Variants in AP2M1 observed in about 807,000 individuals in gnomAD.
The protein encoded by AP2M1 is adaptor related protein complex 2 subunit mu 1, also known as AP-2 complex subunit mu.
AP2M1 carries 5 observed loss-of-function variants against 54.5 expected under a neutral mutation model. The observed-to-expected ratio is 0.09, with a 90% confidence interval of 0.05 to 0.19. AP2M1 has a LOEUF of 0.19. AP2M1 is among the 10% of genes least tolerant of loss of function. The pLI, the probability that AP2M1 is intolerant of heterozygous loss-of-function variation, is 1.00. For missense variants in AP2M1, 178 were observed against 580.2 expected, an observed-to-expected ratio of 0.31 and a Z score of 7.12; for synonymous variants, 186 against 208.2, an observed-to-expected ratio of 0.89 and a Z score of 0.92.
In AP2M1 at chr3:184,180,638, C is replaced by T. The variant is rs778867810; in HGVS notation, c.424-7C>T. On this transcript the variant is annotated splice_polypyrimidine_tract_variant and splice_region_variant and intron_variant, in intron 4 of 11. Transcript: ENST00000292807. This position sits in a 1 kb window ranked among gnomAD's most constrained non-coding sequence, Gnocchi z 4.9. ...TGTGGGCACCTCGTTGGCCCTGCGG[C>T]CTCCAGCATCAGGTAAGCTCTTCCC... 1 of 1,614,004 alleles carries T rather than the reference C, an allele frequency of 6.2e-7. No individual in the cohort carries two copies. The highest frequency in any genetic ancestry group is 8.5e-7 in the Non-Finnish European group (1 of 1,180,060).
Position 184,178,059 on chromosome 3 carries a change from G to A in AP2M1, c.75-798G>A, listed in dbSNP as rs546746413. On this transcript the variant is annotated intron_variant, in intron 2 of 11. Coordinates refer to ENST00000292807, the MANE Select transcript of AP2M1 (RefSeq NM_004068.4). The surrounding 1 kb of genome is among the most constrained non-coding windows in gnomAD (Gnocchi z 4.9). ...GCCTTGGATGGACTGGGCAAGCCAA[G>A]GCCAGGTCACACGCCGCCTTGCCTG... 6.6e-6 allele frequency among the ~76,000 whole-genome samples: 1 copy of A among 151,860 alleles called. No homozygotes were observed. Among genetic ancestry groups the A allele is most frequent in the Admixed American group, 6.5e-5 (1 of 15,274 alleles).
In AP2M1 at chr3:184,183,959, C is replaced by T; in HGVS notation, c.*343C>T. ...GAGTGGGAGGGTTGGTTGCCCCTCA[C>T]CTCAGAGCTCCCCCAAAGGCCAGTA... is the stretch of plus-strand genomic sequence containing the variant. On this transcript the variant is annotated 3_prime_UTR_variant, in exon 12 of 12. Transcript: ENST00000292807. This position sits in a 1 kb window ranked among gnomAD's most constrained non-coding sequence, Gnocchi z 5.7. The T allele has an allele frequency of 7.6e-6, 2 of 263,184 alleles. No homozygotes were observed. Among genetic ancestry groups the T allele is most frequent in the Middle Eastern group, 1.4e-3 (1 of 708 alleles). The allele number at this position is 263,184 out of a possible 1,614,324, so 16.3% of individuals were successfully genotyped here. A position where few individuals can be genotyped will look rare whatever the true frequency, so the allele number is the denominator to read the frequency against.
intron 2 of AP2M1, chr3:184,177,587 C>T: frequency 1.3e-6 from 2 of 1,536,086 alleles, no homozygotes; most frequent in African/African-American, 2.7e-5. Context: ...TCCTCTGGCC[C>T]ATTCCCTGGG....
Position 184,181,956 on chromosome 3 carries a change from C to T in AP2M1, c.872C>T (p.Pro291Leu). The change falls in exon 9 of 12, where the codon CCG becomes CTG. Residue 291 changes from proline (P) to leucine (L), a missense_variant. By Grantham distance (98) the Pro-to-Leu change is moderately conservative. Around this residue, in one of 5 missense-constraint regions of AP2M1, gnomAD observed 59 missense variants for 176.8 expected, o/e 0.33. Coordinates refer to ENST00000292807, the MANE Select transcript of AP2M1 (RefSeq NM_004068.4). This position sits in a 1 kb window ranked among gnomAD's most constrained non-coding sequence, Gnocchi z 5.7. ...KDIILPFRVI[P>L]LVREVGRTKL... is the part of the protein sequence containing the mutation. ...ATCATCCTTCCCTTCCGGGTGATCC[C>T]GCTAGTGCGAGAAGTGGGACGCACC... 6.2e-7 allele frequency: 1 copy of T among 1,614,126 alleles called. No homozygotes were observed. The highest frequency in any genetic ancestry group is 8.5e-7 in the Non-Finnish European group (1 of 1,180,028).
At position 184,183,364 on chromosome 3, in the gene AP2M1, G is replaced by A; in HGVS notation, c.1174-118G>A. The A allele has an allele frequency of 6.7e-7, 1 of 1,491,012 alleles. No individual in the cohort carries two copies. Among genetic ancestry groups the A allele is most frequent in the Non-Finnish European group, 9.0e-7 (1 of 1,107,222 alleles). 92.4% of individuals were successfully genotyped at this position (1,491,012 alleles called of 1,614,324 possible). ...TCCCACGCCGCCCCAGCTTCTTTCA[G>A]GACCCCAGCCATACAAACACCTGTA... is the stretch of plus-strand genomic sequence containing the variant. On this transcript the variant is annotated intron_variant, in intron 11 of 11. Transcript: ENST00000292807. The surrounding 1 kb of genome is among the most constrained non-coding windows in gnomAD (Gnocchi z 5.7).
At chr3:184,176,186 AC>A (rs937703341) in intron 1 of AP2M1, among the ~76,000 whole-genome samples, 3 of 150,704 alleles carry the variant, frequency 2.0e-5, no homozygotes, top group Admixed American at 1.3e-4. Flanking sequence ...CGCCACCCCC[AC>A]CCCCCAGTCC....
At position 184,178,739 on chromosome 3, in the gene AP2M1, AGT is replaced by A. The variant is rs1285046148; in HGVS notation, c.75-109_75-108del. ...TGGTTTAGGCATTGGCTTTCTTTGGAGTGTGTGTGTCAGACTTCTGCAGAAAG... is the reference window on the plus strand; with the variant it reads ...TGGTTTAGGCATTGGCTTTCTTTGGAGTGTGTGTCAGACTTCTGCAGAAAG... On this transcript the variant is annotated intron_variant, in intron 2 of 11. Coordinates refer to ENST00000292807, the MANE Select transcript of AP2M1 (RefSeq NM_004068.4). The surrounding 1 kb of genome is among the most constrained non-coding windows in gnomAD (Gnocchi z 4.9). The A allele has an allele frequency of 1.2e-5, 15 of 1,296,904 alleles. No homozygotes were observed. Among genetic ancestry groups the A allele is most frequent in the East Asian group, 2.4e-5 (1 of 41,160 alleles). The allele number at this position is 1,296,904 out of a possible 1,614,324, so 80.3% of individuals were successfully genotyped here. A position where few individuals can be genotyped will look rare whatever the true frequency, so the allele number is the denominator to read the frequency against.
chr3:184,177,581 C>A, intron 2 of AP2M1: 1 of 1,536,140 alleles, frequency 6.5e-7, no homozygotes, highest in South Asian at 1.2e-5. Context: ...TTCAGTTCCT[C>A]TGGCCCATTC....
chr3:184,183,042 A>AT lies in AP2M1; in HGVS notation c.1173+177dup. The AT allele has an allele frequency of 1.5e-6, 1 of 687,184 alleles. No individual in the cohort carries two copies. Among genetic ancestry groups the AT allele is most frequent in the Non-Finnish European group, 2.7e-6 (1 of 377,118 alleles). The allele number at this position is 687,184 out of a possible 1,614,324, so 42.6% of individuals were successfully genotyped here. A position where few individuals can be genotyped will look rare whatever the true frequency, so the allele number is the denominator to read the frequency against. Reference sequence around the variant, plus strand: ...TTCAAGCCTCTTAGTAGAAATTACTATTTGTGATGAGGCAAATCTTTTACT... The same window carrying AT: ...TTCAAGCCTCTTAGTAGAAATTACTATTTTGTGATGAGGCAAATCTTTTACT... On this transcript the variant is annotated intron_variant, in intron 11 of 11. Transcript: ENST00000292807. The surrounding 1 kb of genome is among the most constrained non-coding windows in gnomAD (Gnocchi z 5.7).
At position 184,178,335 on chromosome 3, in the gene AP2M1, C is replaced by A; in HGVS notation, c.75-522C>A. 1 of 1,339,954 alleles carries A rather than the reference C, an allele frequency of 7.5e-7. No individual in the cohort carries two copies. The highest frequency in any genetic ancestry group is 1.0e-6 in the Non-Finnish European group (1 of 968,138). 83.0% of individuals were successfully genotyped at this position (1,339,954 alleles called of 1,614,324 possible). A position where few individuals can be genotyped will look rare whatever the true frequency, so the allele number is the denominator to read the frequency against. On this transcript the variant is annotated intron_variant, in intron 2 of 11. Coordinates refer to ENST00000292807, the MANE Select transcript of AP2M1 (RefSeq NM_004068.4). This position sits in a 1 kb window ranked among gnomAD's most constrained non-coding sequence, Gnocchi z 4.9. The stretch of plus-strand genomic sequence containing the variant: ...ACTTGCTCTGGAGTTGGATCCTGGG[C>A]AAGAATGGGTAGCACAATTCCATGG...
intron 1 of AP2M1, among the ~76,000 whole-genome samples, chr3:184,176,500 G>T (rs1399957493): frequency 6.6e-6 from 1 of 152,196 alleles, no homozygotes; most frequent in African/African-American, 2.4e-5. Flanking sequence ...CAAGAGACTG[G>T]ATGCTCTAAA....
At chr3:184,177,187 C>A in intron 2 of AP2M1, 120 bp downstream of exon 2, 1 of 993,172 alleles carries the variant, frequency 1.0e-6, no homozygotes, top group Non-Finnish European at 1.5e-6. Flanking sequence ...CTGGCTGCAC[C>A]CTGGAAGCTC....
In AP2M1 at chr3:184,180,275, G is replaced by T. The variant is rs1370089321; in HGVS notation, c.423+24G>T. The stretch of plus-strand genomic sequence containing the variant: ...AGGTACTTGAATTGTGCAGACTATA[G>T]TCAGGGTGGAGTCCAATCTCCCTTC... On this transcript the variant is annotated intron_variant, in intron 4 of 11. Transcript: ENST00000292807. This position sits in a 1 kb window ranked among gnomAD's most constrained non-coding sequence, Gnocchi z 4.9. The T allele has an allele frequency of 6.8e-6, 11 of 1,612,612 alleles. No homozygotes were observed. In the African/African-American group the frequency reaches 1.5e-4, roughly 22 times the overall value.
At chr3:184,176,221 T>C (rs1004534014) in intron 1 of AP2M1, among the ~76,000 whole-genome samples, 2 of 152,032 alleles carry the variant, frequency 1.3e-5, no homozygotes, top group Admixed American at 1.3e-4. Context: ...ATTCCAGAGC[T>C]TTTTGAAAGG....
At position 184,181,301 on chromosome 3, in the gene AP2M1, T is replaced by C. The variant is rs1715266257; in HGVS notation, c.707+75T>C. The stretch of plus-strand genomic sequence containing the variant: ...AGTGGGGTCTAGTGAACCACAAGTT[T>C]CTTCTGGATTTCATTCCCACTGTAA... On this transcript the variant is annotated intron_variant, in intron 7 of 11. Coordinates refer to ENST00000292807, the MANE Select transcript of AP2M1 (RefSeq NM_004068.4). The surrounding 1 kb of genome is among the most constrained non-coding windows in gnomAD (Gnocchi z 5.7). The C allele has an allele frequency of 1.3e-6, 2 of 1,586,918 alleles. No individual in the cohort carries two copies. Among genetic ancestry groups the C allele is most frequent in the South Asian group, 2.3e-5 (2 of 87,784 alleles).
In AP2M1 at chr3:184,181,577, A is replaced by C; in HGVS notation, c.708-119A>C. ...GCTCTGGGGCAGACCTCCGAGTCAC[A>C]AAGCTGCATTCTAGCAGCTTTTCAT... On this transcript the variant is annotated intron_variant, in intron 7 of 11. Coordinates refer to ENST00000292807, the MANE Select transcript of AP2M1 (RefSeq NM_004068.4). This position sits in a 1 kb window ranked among gnomAD's most constrained non-coding sequence, Gnocchi z 5.7. 7.1e-7 allele frequency: 1 copy of C among 1,401,514 alleles called. No homozygotes were observed. The highest frequency in any genetic ancestry group is 9.8e-7 in the Non-Finnish European group (1 of 1,018,626). 86.8% of individuals were successfully genotyped at this position (1,401,514 alleles called of 1,614,324 possible).
chr3:184,180,384 G>A lies in AP2M1; in HGVS notation c.423+133G>A. On this transcript the variant is annotated intron_variant, in intron 4 of 11. Coordinates refer to ENST00000292807, the MANE Select transcript of AP2M1 (RefSeq NM_004068.4). This position sits in a 1 kb window ranked among gnomAD's most constrained non-coding sequence, Gnocchi z 4.9. ...AGTGCTGGCCTGAGCCTCCTGCCAT[G>A]ATTGCAGGCCGATTTTGCTCTGTGT... 1 of 1,215,698 alleles carries A rather than the reference G, an allele frequency of 8.2e-7. No homozygotes were observed. The highest frequency in any genetic ancestry group is 1.2e-6 in the Non-Finnish European group (1 of 865,220). 75.3% of individuals were successfully genotyped at this position (1,215,698 alleles called of 1,614,324 possible). A position where few individuals can be genotyped will look rare whatever the true frequency, so the allele number is the denominator to read the frequency against.
rs1255951987 is a variant in AP2M1, at chr3:184,181,327, T to C, written c.707+101T>C. On this transcript the variant is annotated intron_variant, in intron 7 of 11. Transcript: ENST00000292807. This position sits in a 1 kb window ranked among gnomAD's most constrained non-coding sequence, Gnocchi z 5.7. ...CTTCTGGATTTCATTCCCACTGTAA[T>C]TGCAAACTCTGTTCCTGACGGTAAG... The C allele has an allele frequency of 1.3e-6, 2 of 1,533,672 alleles. No individual in the cohort carries two copies. Among genetic ancestry groups the C allele is most frequent in the Middle Eastern group, 2.2e-4 (1 of 4,562 alleles).
chr3:184,179,347 C>G (rs17773769), intron 3 of AP2M1: 18,484 of 572,746 alleles, frequency 0.032, 395 homozygotes, highest in Middle Eastern at 0.052. Flanking sequence ...AGCAGGTGAT[C>G]TTCCAAGGGG....
Sources: gnomAD v4.1 joint callset for allele counts (sites outside exome capture counted in the v4.1 genomes callset) on GRCh38, gnomAD v4.1.1 for gene constraint, gnomAD v4.1.1 regional missense constraint, Gnocchi (gnomAD v3.1) non-coding constraint, MANE v1.5 for transcripts, NCBI Gene and HGNC (gene_info 2026-07-23, HGNC 2026-07-21) for gene names.